Variants in RGS11 observed in about 807,000 individuals in gnomAD.
RGS11 encodes the protein regulator of G protein signaling 11, also known as regulator of G-protein signaling 11.
A neutral mutation model predicts 71.1 loss-of-function variants in RGS11; 86 were observed. The ratio of observed to expected loss-of-function variants is 1.21; its 90% CI spans 1.02 to 1.45. RGS11 has a LOEUF of 1.45. RGS11 is among the 40% of genes most tolerant of loss of function. RGS11 has a pLI of 0.00. For synonymous variants in RGS11, 298 were observed against 254.2 expected (o/e 1.17, Z -1.64); for missense variants, 734 against 635.1 (o/e 1.16, Z -1.67).
At chr16:270,861 C>CCAT (rs752746747) in intron 13 of RGS11, 30 bp from the exon 14 acceptor site, 1 of 1,603,748 alleles carries the variant, frequency 6.2e-7, no homozygotes, top group Non-Finnish European at 8.5e-7. Context: ...GTCAAGGATC[C>CCAT]CATCGAGAGT....
Position 274,773 on chromosome 16 carries a change from T to G in RGS11, c.318+203A>C. 4 of 755,790 alleles carry G rather than the reference T, an allele frequency of 5.3e-6. No homozygotes were observed. The Middle Eastern group carries it at 6.7e-4, about 127-fold the overall frequency. The allele number at this position is 755,790 out of a possible 1,614,324, so 46.8% of individuals were successfully genotyped here. ...CCCAGGAAAACTGAGGCTCCATCCC[T>G]CAGCCGGGTCCTTCTCACCACATCC... On this transcript the variant is annotated intron_variant, in intron 4 of 16. Coordinates refer to ENST00000397770, the MANE Select transcript of RGS11 (RefSeq NM_183337.3).
At position 268,881 on chromosome 16, in the gene RGS11, G is replaced by T. The variant is rs1450589446; in HGVS notation, c.*388C>A. The stretch of plus-strand genomic sequence containing the variant: ...GGTGTGTGGGAAGCCGCCCGCCTGT[G>T]CATCTTGCTTCCGGGTATTCGCTGG... On this transcript the variant is annotated 3_prime_UTR_variant, in exon 17 of 17. Transcript: ENST00000397770. The T allele has an allele frequency of 1.9e-6, 3 of 1,550,564 alleles. No individual in the cohort carries two copies. Among genetic ancestry groups the T allele is most frequent in the South Asian group, 1.2e-5 (1 of 84,062 alleles).
chr16:269,292 C>A lies in RGS11; in HGVS notation c.1381G>T (p.Gly461Trp), dbSNP rs2051805304. ...PVEPTAACGP[G>W]GGDGVA ...CACTAGGCCACCCCATCTCCACCCCCAGGGCCACAAGCCGCTGTGGGCTCC... is the reference window on the plus strand; with the variant it reads ...CACTAGGCCACCCCATCTCCACCCCAAGGGCCACAAGCCGCTGTGGGCTCC... The change falls in exon 17 of 17, where the codon GGG becomes TGG. Residue 461 changes from glycine to tryptophan, a missense_variant. Coordinates refer to ENST00000397770, the MANE Select transcript of RGS11 (RefSeq NM_183337.3). The A allele has an allele frequency of 6.3e-7, 1 of 1,580,558 alleles. No individual in the cohort carries two copies. Among genetic ancestry groups the A allele is most frequent in the East Asian group, 2.3e-5 (1 of 43,624 alleles).
intron 16 of RGS11, 42 bp from the exon 17 acceptor site, chr16:269,425 T>C (rs1458973772): frequency 3.8e-6 from 6 of 1,586,716 alleles, no homozygotes; most frequent in South Asian, 2.2e-5. Context: ...GGCCAGCTGG[T>C]GTCCTGCCCA....
rs923689057 is a variant in RGS11 at position 272,816 on chromosome 16, C to T, written c.657+47G>A. 7 of 1,537,638 alleles carry T rather than the reference C, an allele frequency of 4.6e-6. No individual in the cohort carries two copies. The African/African-American group carries it at 9.6e-5, about 21-fold the overall frequency. On this transcript the variant is annotated intron_variant, in intron 9 of 16. Transcript: ENST00000397770. ...CCATGGTGCGTCCAGCAGGGTGCAGCCGGTGTGCAGGGTGAGAGGGCGGCC... is the reference window on the plus strand; with the variant it reads ...CCATGGTGCGTCCAGCAGGGTGCAGTCGGTGTGCAGGGTGAGAGGGCGGCC...
rs760798138 is a variant in RGS11, at chr16:271,268, G to A, written c.797C>T (p.Ser266Leu). The A allele has an allele frequency of 2.3e-5, 37 of 1,612,824 alleles. No individual in the cohort carries two copies. The highest frequency in any genetic ancestry group is 1.6e-4 in the Middle Eastern group (1 of 6,082). The part of the protein sequence containing the change: ...GQRGPHDPLV[S>L]GCLPSNPWIS... ...CCAGGGATTGCTGGGCAGGCACCCC[G>A]ACACGAGGGGATCGTGGGGTCCACG... The change falls in exon 12 of 17, where the codon TCG (serine) becomes TTG (leucine). Residue 266 changes from serine to leucine, a missense_variant. Physicochemically the swap from Ser to Leu is moderately radical, Grantham distance 145. Transcript: ENST00000397770.
Position 271,391 on chromosome 16 carries a change from C to A in RGS11, c.749+8G>T, listed in dbSNP as rs375636263. 4.3e-6 allele frequency: 7 copies of A among 1,613,496 alleles called. No homozygotes were observed. The highest frequency in any genetic ancestry group is 2.7e-5 in the African/African-American group (2 of 74,914). Reference sequence around the variant, plus strand: ...GGGTCTCCAGCTGCCACCCCTCACCCCACTCACGCCTCAAGGCAGACGGAG... The same window carrying A: ...GGGTCTCCAGCTGCCACCCCTCACCACACTCACGCCTCAAGGCAGACGGAG... On this transcript the variant is annotated splice_region_variant and intron_variant, in intron 11 of 16. Coordinates refer to ENST00000397770, the MANE Select transcript of RGS11 (RefSeq NM_183337.3).
In RGS11 at chr16:270,667, G is replaced by C; in HGVS notation, c.1068-6C>G. On this transcript the variant is annotated splice_region_variant and splice_polypyrimidine_tract_variant and intron_variant, in intron 14 of 16. Coordinates refer to ENST00000397770, the MANE Select transcript of RGS11 (RefSeq NM_183337.3). ...CTCCGGGGGCCAGGAACTGCCTAGG[G>C]GTGGGGACAGCACTGGGTAGTCTCG... The C allele has an allele frequency of 6.2e-7, 1 of 1,610,220 alleles. No individual in the cohort carries two copies. Among genetic ancestry groups the C allele is most frequent in the African/African-American group, 1.3e-5 (1 of 75,016 alleles).
At position 271,578 on chromosome 16, in the gene RGS11, G is replaced by A. The variant is rs1207912543; in HGVS notation, c.658-9C>T. On this transcript the variant is annotated splice_polypyrimidine_tract_variant and intron_variant, in intron 9 of 16. Coordinates refer to ENST00000397770, the MANE Select transcript of RGS11 (RefSeq NM_183337.3). ...AAATCTGCACTCTTGGTCTAGAAGG[G>A]GATAGGTGGGCTGCAGTTAGATGCA... 2 of 1,613,782 alleles carry A rather than the reference G, an allele frequency of 1.2e-6. No homozygotes were observed. The highest frequency in any genetic ancestry group is 1.7e-6 in the Non-Finnish European group (2 of 1,179,964).
rs1422481611 is a variant in RGS11, at chr16:268,625, G to A, written c.*644C>T. The A allele has an allele frequency of 1.4e-6, 1 of 702,604 alleles. No individual in the cohort carries two copies. The highest frequency in any genetic ancestry group is 2.4e-6 in the Non-Finnish European group (1 of 416,568). The allele number at this position is 702,604 out of a possible 1,614,324, so 43.5% of individuals were successfully genotyped here. A position where few individuals can be genotyped will look rare whatever the true frequency, so the allele number is the denominator to read the frequency against. ...GTCAGAGTTGTCTATAAATCGGGGG[G>A]GAGGCCGCGGCCTCGAGGTGGGAAA... On this transcript the variant is annotated 3_prime_UTR_variant, in exon 17 of 17. Coordinates refer to ENST00000397770, the MANE Select transcript of RGS11 (RefSeq NM_183337.3).
Position 269,312 on chromosome 16 carries a change from G to C in RGS11, c.1361C>G (p.Pro454Arg), listed in dbSNP as rs2051806503. 6.3e-7 allele frequency: 1 copy of C among 1,595,388 alleles called. No homozygotes were observed. Among genetic ancestry groups the C allele is most frequent in the East Asian group, 2.3e-5 (1 of 44,244 alleles). Residue 454 changes from proline (P) to arginine (R), a missense_variant, in exon 17 of 17, where the codon CCC (proline) becomes CGC (arginine). Transcript: ENST00000397770. ...SPALLPTPVE[P>R]TAACGPGGGD... ...ACCCCCAGGGCCACAAGCCGCTGTGGGCTCCACAGGGGTGGGAAGGAGTGC... is the reference window on the plus strand; with the variant it reads ...ACCCCCAGGGCCACAAGCCGCTGTGCGCTCCACAGGGGTGGGAAGGAGTGC...
Position 271,293 on chromosome 16 carries a change from G to T in RGS11, c.772C>A (p.Arg258Ser), listed in dbSNP as rs150282744. 7 of 1,612,792 alleles carry T rather than the reference G, an allele frequency of 4.3e-6. No individual in the cohort carries two copies. In the African/African-American group the frequency reaches 9.3e-5, roughly 22 times the overall value. The change falls in exon 12 of 17, where the codon CGT becomes AGT. Residue 258 changes from arginine (R) to serine (S), a missense_variant. By Grantham distance (110) the Arg-to-Ser change is moderately radical (BLOSUM62 -1). Coordinates refer to ENST00000397770, the MANE Select transcript of RGS11 (RefSeq NM_183337.3). ...GACACGAGGGGATCGTGGGGTCCAC[G>T]CTGGCCGCAGAAACTCAGGTACCTG... ...LEAYLSFCGQRGPHDPLVSGC... is the reference protein window; with the variant it reads ...LEAYLSFCGQSGPHDPLVSGC...
Position 275,829 on chromosome 16 carries a change from G to T in RGS11, c.63+20C>A, listed in dbSNP as rs1348214402. ...GCGCCGGGAAATCGGGGGACGGCGGGACACCCACCCGCCTCGCACCTTCCT... is the reference window on the plus strand; with the variant it reads ...GCGCCGGGAAATCGGGGGACGGCGGTACACCCACCCGCCTCGCACCTTCCT... On this transcript the variant is annotated intron_variant, in intron 1 of 16. Coordinates refer to ENST00000397770, the MANE Select transcript of RGS11 (RefSeq NM_183337.3). The T allele has an allele frequency of 1.2e-5, 13 of 1,054,776 alleles. No homozygotes were observed. Among genetic ancestry groups the T allele is most frequent in the South Asian group, 3.4e-5 (1 of 29,396 alleles). 65.3% of individuals were successfully genotyped at this position (1,054,776 alleles called of 1,614,324 possible).
At position 269,357 on chromosome 16, in the gene RGS11, C is replaced by T. The variant is rs542774918; in HGVS notation, c.1316G>A (p.Arg439Gln). The change falls in exon 17 of 17, where the codon CGG (arginine) becomes CAG (glutamine). Residue 439 changes from arginine to glutamine, a missense_variant. By Grantham distance (43) the Arg-to-Gln change is conservative (BLOSUM62 1). Transcript: ENST00000397770. ...RRVFPFTWRP[R>Q]HSSPSPALLP... is the part of the protein sequence containing the mutation. ...GAGTGCAGGGCTGGGGCTCGAGTGC[C>T]GTGGCCTCCACGTAAACGGGAACAC... 2.0e-4 allele frequency: 322 copies of T among 1,603,436 alleles called. 2 individuals are homozygous for T. The South Asian group carries it at 3.0e-3, about 15-fold the overall frequency.
Position 271,520 on chromosome 16 carries a change from C to A in RGS11, c.687+20G>T. The A allele has an allele frequency of 1.2e-6, 2 of 1,614,032 alleles. No homozygotes were observed. The highest frequency in any genetic ancestry group is 1.7e-6 in the Non-Finnish European group (2 of 1,180,028). Reference sequence around the variant, plus strand: ...TGGGGAAGGCACCTGGCACCCTCCACTCCCAGCTCCAGAACTTACCTCCCG... The same window carrying A: ...TGGGGAAGGCACCTGGCACCCTCCAATCCCAGCTCCAGAACTTACCTCCCG... On this transcript the variant is annotated intron_variant, in intron 10 of 16. Coordinates refer to ENST00000397770, the MANE Select transcript of RGS11 (RefSeq NM_183337.3).
At chr16:274,193 G>A (rs373503469) in intron 5 of RGS11, 21 bp downstream of exon 5, 4 of 1,604,612 alleles carry the variant, frequency 2.5e-6, no homozygotes, top group Non-Finnish European at 3.4e-6. Flanking sequence ...CTTGTCTGGG[G>A]CCAGCCGTCC....
In RGS11 at chr16:268,771, TC is replaced by T. The variant is rs1567232655; in HGVS notation, c.*497del. On this transcript the variant is annotated 3_prime_UTR_variant, in exon 17 of 17. Transcript: ENST00000397770. ...AGCACGGCACTCTCTTGGGTCCTCT[TC>T]CAGGCTCACACTGGGCGACAGCGGA... is the stretch of plus-strand genomic sequence containing the variant. 1 of 1,549,608 alleles carries T rather than the reference TC, an allele frequency of 6.5e-7. No homozygotes were observed. The highest frequency in any genetic ancestry group is 8.7e-7 in the Non-Finnish European group (1 of 1,146,880).
chr16:273,715 T>G (rs1242286853), intron 7 of RGS11, 45 bp downstream of exon 7: 42 of 1,589,706 alleles, frequency 2.6e-5, no homozygotes, highest in Non-Finnish European at 3.4e-5. Context: ...CCGGGTAGCC[T>G]GGGTTGGGCG....
rs2052108462 is a variant in RGS11, at chr16:275,083, C to T, written c.212-1G>A. On this transcript the variant is annotated splice_acceptor_variant, in intron 3 of 16. Transcript: ENST00000397770. LOFTEE classifies it high-confidence loss of function. The stretch of plus-strand genomic sequence containing the variant: ...AGGACGGCGCCCAGGTGCAGGGCCT[C>T]TGGGGAGGGGTGGGACGGTGAGCGC... The T allele has an allele frequency of 1.4e-6, 2 of 1,478,032 alleles. No homozygotes were observed. The highest frequency in any genetic ancestry group is 1.8e-6 in the Non-Finnish European group (2 of 1,114,972). The allele number at this position is 1,478,032 out of a possible 1,614,324, so 91.6% of individuals were successfully genotyped here. A position where few individuals can be genotyped will look rare whatever the true frequency, so the allele number is the denominator to read the frequency against.
Sources: gnomAD v4.1 joint callset for allele counts on GRCh38, gnomAD v4.1.1 for gene constraint, MANE v1.5 for transcripts, NCBI Gene and HGNC (gene_info 2026-07-23, HGNC 2026-07-21) for gene names.